The following MON1B variants were observed in gnomAD, a reference collection of about 807,000 sequenced individuals.
The protein encoded by MON1B is MON1 vesicular trafficking associated B, also known as vacuolar fusion protein MON1 homolog B.
MON1B carries 26 observed loss-of-function variants against 45.1 expected under a neutral mutation model. The observed-to-expected ratio is 0.58, with a 90% CI of 0.42 to 0.80. The LOEUF (loss-of-function observed/expected upper bound fraction) is 0.80, where lower values mean the gene tolerates loss of function less well. Ranked by LOEUF, MON1B falls within the 30% of genes least tolerant of loss-of-function variation. MON1B has a pLI of 0.00. For missense variants in MON1B, 737 were observed against 754.5 expected (o/e 0.98, Z 0.27); for synonymous variants, 395 against 320.2 (o/e 1.23, Z -2.49).
intron 1 of MON1B, 70 bp from the exon 2 acceptor site, chr16:77,191,406 G>T: frequency 2.5e-6 from 4 of 1,579,306 alleles, no homozygotes; most frequent in Non-Finnish European, 3.4e-6. Context: ...GTCCAAGGGG[G>T]CCTGACTCTA....
chr16:77,195,200 A>C, intron 4 of MON1B, 46 bp downstream of exon 4: 1 of 1,463,226 alleles, frequency 6.8e-7, no homozygotes, highest in Non-Finnish European at 9.1e-7. Flanking sequence ...AAGGCCTGTC[A>C]AACCAGGAAG....
At chr16:77,195,831 C>T in intron 5 of MON1B, 149 bp downstream of exon 5, 2 of 922,420 alleles carry the variant, frequency 2.2e-6, no homozygotes, top group African/African-American at 1.7e-5. Context: ...CCTGCCTTTA[C>T]ACACACATCT....
Position 77,199,701 on chromosome 16 carries a change from C to G in MON1B, c.*1393C>G, listed in dbSNP as rs1034564539. The G allele has an allele frequency of 1.3e-5, 7 of 540,546 alleles. No individual in the cohort carries two copies. The highest frequency in any genetic ancestry group is 2.3e-5 in the Non-Finnish European group (7 of 306,604). The allele number at this position is 540,546 out of a possible 1,614,324, so 33.5% of individuals were successfully genotyped here. On this transcript the variant is annotated 3_prime_UTR_variant, in exon 6 of 6. Coordinates refer to ENST00000248248, the MANE Select transcript of MON1B (RefSeq NM_014940.4). ...GTGGAGATAAATTAACAGGCATATT[C>G]TTATCACCGAGATTAACTTTTGTCA...
chr16:77,191,508 C>T lies in MON1B; in HGVS notation c.23C>T (p.Ala8Val). Reference protein sequence around the residue: MEVGGDTAAPAPGGAEDL... With the variant: MEVGGDTVAPAPGGAEDL... ...CAGATGGAGGTCGGAGGAGACACTG[C>T]TGCCCCGGCCCCCGGGGGCGCGGAG... The change falls in exon 2 of 6, where the codon GCT (alanine) becomes GTT (valine). Residue 8 changes from alanine to valine, a missense_variant. Ala to Val is a moderately conservative substitution (Grantham distance 64, BLOSUM62 0). Coordinates refer to ENST00000248248, the MANE Select transcript of MON1B (RefSeq NM_014940.4). 6.2e-7 allele frequency: 1 copy of T among 1,606,528 alleles called. No individual in the cohort carries two copies. Among genetic ancestry groups the T allele is most frequent in the South Asian group, 1.1e-5 (1 of 90,410 alleles).
chr16:77,198,084 C>G, intron 5 of MON1B, 24 bp from the exon 6 acceptor site: 1 of 1,610,040 alleles, frequency 6.2e-7, no homozygotes, highest in Non-Finnish European at 8.5e-7. Context: ...GCCCATCTGA[C>G]TCTGTCTCCT....
rs777592808 is a variant in MON1B, at chr16:77,194,501, G to T, written c.642G>T (p.Gln214His). Residue 214 changes from glutamine to histidine, a missense_variant, in exon 4 of 6, where the codon CAG becomes CAT. Physicochemically the swap from Gln to His is conservative, Grantham distance 24 (BLOSUM62 0). Coordinates refer to ENST00000248248, the MANE Select transcript of MON1B (RefSeq NM_014940.4). This position sits in a 1 kb window ranked among gnomAD's most constrained non-coding sequence, Gnocchi z 8.1. ...TCGCCCGCATCTTCGCACACAAGCAGAACTATGACCTCCGCCGCCTGCTGG... is the reference window on the plus strand; with the variant it reads ...TCGCCCGCATCTTCGCACACAAGCATAACTATGACCTCCGCCGCCTGCTGG... ...ASVARIFAHK[Q>H]NYDLRRLLAG... 1 of 1,614,084 alleles carries T rather than the reference G, an allele frequency of 6.2e-7. No individual in the cohort carries two copies. The highest frequency in any genetic ancestry group is 8.5e-7 in the Non-Finnish European group (1 of 1,180,022).
In MON1B at chr16:77,193,287, T is replaced by A. The variant is rs999783076; in HGVS notation, c.149-164T>A. 1 of 627,770 alleles carries A rather than the reference T, an allele frequency of 1.6e-6. No individual in the cohort carries two copies. The highest frequency in any genetic ancestry group is 2.7e-6 in the Non-Finnish European group (1 of 366,098). 38.9% of individuals were successfully genotyped at this position (627,770 alleles called of 1,614,324 possible). ...AATGTTAGTGGAGATCATTGCGGGG[T>A]CCTAGGGCAGTCATCGGGTCATTGA... On this transcript the variant is annotated intron_variant, in intron 2 of 5. Coordinates refer to ENST00000248248, the MANE Select transcript of MON1B (RefSeq NM_014940.4). The surrounding 1 kb of genome is among the most constrained non-coding windows in gnomAD (Gnocchi z 5.0).
Position 77,194,322 on chromosome 16 carries a change from C to T in MON1B, c.476-13C>T. ...CCAGCTGTACCCCCCCTTCTTACCC[C>T]TTCCTTCCCTAGAGGACCACAAGCT... On this transcript the variant is annotated splice_polypyrimidine_tract_variant and intron_variant, in intron 3 of 5. Transcript: ENST00000248248. This position sits in a 1 kb window ranked among gnomAD's most constrained non-coding sequence, Gnocchi z 8.1. 6.2e-7 allele frequency: 1 copy of T among 1,600,048 alleles called. No homozygotes were observed. The highest frequency in any genetic ancestry group is 8.5e-7 in the Non-Finnish European group (1 of 1,178,548).
rs950987366 is a variant in MON1B at position 77,201,664 on chromosome 16, T to C, written c.*3356T>C. ...AGGAATGGTCACTGGAGTGTTGATG[T>C]AGGCACAACACAAGAAGTAGTCACA... On this transcript the variant is annotated 3_prime_UTR_variant, in exon 6 of 6. Transcript: ENST00000248248. 1.3e-5 allele frequency: 2 copies of C among 152,136 alleles called. No homozygotes were observed. Among genetic ancestry groups the C allele is most frequent in the Non-Finnish European group, 2.9e-5 (2 of 68,024 alleles). 9.4% of individuals were successfully genotyped at this position (152,136 alleles called of 1,614,324 possible).
chr16:77,196,201 C>T (rs1160807062), intron 5 of MON1B, among the ~76,000 whole-genome samples: 1 of 152,158 alleles, frequency 6.6e-6, no homozygotes, highest in Non-Finnish European at 1.5e-5. Flanking sequence ...AAGGAGGCCT[C>T]ATCAGAAATG....
At position 77,194,673 on chromosome 16, in the gene MON1B, G is replaced by A; in HGVS notation, c.814G>A (p.Gly272Ser). ...GCTCCTCCGACGTTGCACAGCGCCT[G>A]GCCTGGCGCTGTCAGTGCTGGCAGT... ...GALLRRCTAPGLALSVLAVGG... is the reference protein window; with the variant it reads ...GALLRRCTAPSLALSVLAVGG... Residue 272 changes from glycine to serine, a missense_variant, in exon 4 of 6, where the codon GGC (glycine) becomes AGC (serine). By Grantham distance (56) the Gly-to-Ser change is moderately conservative. Coordinates refer to ENST00000248248, the MANE Select transcript of MON1B (RefSeq NM_014940.4). This position sits in a 1 kb window ranked among gnomAD's most constrained non-coding sequence, Gnocchi z 8.1. The A allele has an allele frequency of 1.2e-6, 2 of 1,613,914 alleles. No individual in the cohort carries two copies. The highest frequency in any genetic ancestry group is 1.7e-6 in the Non-Finnish European group (2 of 1,179,908).
chr16:77,199,435 A>T lies in MON1B; in HGVS notation c.*1127A>T, dbSNP rs937536329. 1 of 1,551,324 alleles carries T rather than the reference A, an allele frequency of 6.4e-7. No individual in the cohort carries two copies. The highest frequency in any genetic ancestry group is 8.7e-7 in the Non-Finnish European group (1 of 1,146,826). ...CAGTCATCAAGCGAGGCTCGCGCGC[A>T]GGCCCCGCGTTGGAAAATGGCGGGG... On this transcript the variant is annotated 3_prime_UTR_variant, in exon 6 of 6. Coordinates refer to ENST00000248248, the MANE Select transcript of MON1B (RefSeq NM_014940.4).
rs1292964851 is a variant in MON1B, at chr16:77,198,215, C to T, written c.1551C>T (p.Asp517=). The change falls in exon 6 of 6, where the codon GAC becomes GAT. Residue 517 remains aspartate (D), a synonymous_variant. Transcript: ENST00000248248. ...KLLRWVKKEE[D]RLFIRYPPKY... is the part of the protein sequence containing the mutation. ...TGCGCTGGGTGAAGAAAGAGGAGGA[C>T]CGGCTCTTCATTCGTTACCCACCCA... The T allele has an allele frequency of 6.2e-7, 1 of 1,614,116 alleles. No individual in the cohort carries two copies.
At chr16:77,195,817 T>G (rs762818609) in intron 5 of MON1B, 135 bp downstream of exon 5, 20 of 1,033,876 alleles carry the variant, frequency 1.9e-5, no homozygotes, top group Non-Finnish European at 2.7e-5. Flanking sequence ...CCTGCAACAC[T>G]GTCCCTGCCT....
intron 5 of MON1B, among the ~76,000 whole-genome samples, chr16:77,196,565 C>T (rs2054667391): frequency 1.3e-5 from 2 of 151,974 alleles, no homozygotes; most frequent in African/African-American, 4.8e-5. Context: ...CACTTGAGGT[C>T]AGGAGTTCGA....
chr16:77,195,919 G>C (rs906459646), intron 5 of MON1B, among the ~76,000 whole-genome samples: 5 of 152,156 alleles, frequency 3.3e-5, no homozygotes, highest in African/African-American at 1.2e-4. Context: ...TCCCAGATTA[G>C]CAACCAGGAC....
rs1332569442 is a variant in MON1B, at chr16:77,193,409, A to G, written c.149-42A>G. The G allele has an allele frequency of 1.3e-6, 2 of 1,505,634 alleles. No homozygotes were observed. Among genetic ancestry groups the G allele is most frequent in the Non-Finnish European group, 1.8e-6 (2 of 1,120,244 alleles). The allele number at this position is 1,505,634 out of a possible 1,614,324, so 93.3% of individuals were successfully genotyped here. A position where few individuals can be genotyped will look rare whatever the true frequency, so the allele number is the denominator to read the frequency against. On this transcript the variant is annotated intron_variant, in intron 2 of 5. Transcript: ENST00000248248. This position sits in a 1 kb window ranked among gnomAD's most constrained non-coding sequence, Gnocchi z 5.0. ...GGTCCTTGGGGATGTGGGATTAGTT[A>G]GGAGTTCACATGCAGATGACCCACC...
intron 2 of MON1B, among the ~76,000 whole-genome samples, chr16:77,192,361 A>C (rs2054623456): frequency 6.6e-6 from 1 of 152,234 alleles, no homozygotes; most frequent in Non-Finnish European, 1.5e-5. Flanking sequence ...AGTGAATGTC[A>C]GTGACAGAAT....
chr16:77,194,225 G>T lies in MON1B; in HGVS notation c.476-110G>T, dbSNP rs756899852. ...CAGGTGCCCACAGAGTGAGCATGTG[G>T]ACTCGGGCCTGGTGTGTGTATGGTA... On this transcript the variant is annotated intron_variant, in intron 3 of 5. Transcript: ENST00000248248. This position sits in a 1 kb window ranked among gnomAD's most constrained non-coding sequence, Gnocchi z 8.1. The T allele has an allele frequency of 5.1e-6, 5 of 981,500 alleles. No homozygotes were observed. Among genetic ancestry groups the T allele is most frequent in the Non-Finnish European group, 8.1e-6 (5 of 619,750 alleles). The allele number at this position is 981,500 out of a possible 1,614,324, so 60.8% of individuals were successfully genotyped here.
Sources: gnomAD v4.1 joint callset for allele counts (sites outside exome capture counted in the v4.1 genomes callset) on GRCh38, gnomAD v4.1.1 for gene constraint, Gnocchi (gnomAD v3.1) non-coding constraint, MANE v1.5 for transcripts, NCBI Gene and HGNC (gene_info 2026-07-23, HGNC 2026-07-21) for gene names.